The following LINGO2 variants were observed in gnomAD, a reference collection of about 807,000 sequenced individuals.
The protein encoded by LINGO2 is leucine rich repeat and Ig domain containing 2, also known as leucine-rich repeat and immunoglobulin-like domain-containing nogo receptor-interacting protein 2.
A neutral mutation model predicts 30.6 loss-of-function variants in LINGO2; 14 were observed. The observed-to-expected ratio is 0.46, with a 90% CI of 0.30 to 0.72. LINGO2 has a LOEUF of 0.72. Among genes scored for constraint, LINGO2 ranks in the 30% least tolerant of loss-of-function variants. The pLI, the probability that LINGO2 is intolerant of heterozygous loss-of-function variation, is 0.07. For missense variants in LINGO2, 729 were observed against 751.7 expected (o/e 0.97, Z 0.35); for synonymous variants, 317 against 288.5 (o/e 1.10, Z -1.00).
intron 4 of LINGO2, among the ~76,000 whole-genome samples, chr9:28,255,160 T>C (rs1822340322): frequency 6.6e-6 from 1 of 152,098 alleles, no homozygotes; most frequent in Non-Finnish European, 1.5e-5. Flanking sequence ...CTTTCTTCTC[T>C]TTTTACCCTT....
At chr9:28,948,592 A>T in the LINGO2 span, among the ~76,000 whole-genome samples, 1 of 152,128 alleles carries the variant, frequency 6.6e-6, no homozygotes, top group South Asian at 2.1e-4. Context: ...GCAAGAAATT[A>T]TACTACAATC....
At chr9:28,312,767 C>A (rs1824681921) in intron 3 of LINGO2, among the ~76,000 whole-genome samples, 1 of 152,092 alleles carries the variant, frequency 6.6e-6, no homozygotes, top group Non-Finnish European at 1.5e-5. Context: ...GGCTTATTGT[C>A]ATTGCTGTTT....
Position 28,531,159 on chromosome 9 carries a change from T to C in LINGO2, c.-364-55134A>G, listed in dbSNP as rs73441424. Among the ~76,000 whole-genome samples, 903 of 151,808 alleles carry C rather than the reference T, an allele frequency of 5.9e-3. 9 individuals carry two copies. The highest frequency in any genetic ancestry group is 0.02 in the African/African-American group (836 of 41,470). ...AATAATTAAAAATGAAAAAAGATTA[T>C]TTCCAAGTAAACATTTCTTATGCTT... On this transcript the variant is annotated intron_variant, in intron 1 of 5. Transcript: ENST00000379992.
chr9:28,646,466 C>A (rs12346831), intron 1 of LINGO2, among the ~76,000 whole-genome samples: 57,211 of 151,830 alleles, frequency 0.38, 12,058 homozygotes, highest in African/African-American at 0.55. Context: ...AAGAACTTAA[C>A]GGGCTAAACT....
chr9:28,334,588 G>A (rs914090340), intron 3 of LINGO2, among the ~76,000 whole-genome samples: 4 of 152,088 alleles, frequency 2.6e-5, no homozygotes, highest in Non-Finnish European at 5.9e-5. Context: ...TTTTAAATAA[G>A]TGTTTTCCGT....
intron 3 of LINGO2, among the ~76,000 whole-genome samples, chr9:28,297,707 G>A (rs1025497083): frequency 6.6e-6 from 1 of 152,210 alleles, no homozygotes; most frequent in Non-Finnish European, 1.5e-5. Context: ...GGATGTGATA[G>A]CTTTGTGTCA....
At chr9:27,994,116 AC>A (rs1821536351) in intron 5 of LINGO2, among the ~76,000 whole-genome samples, 1 of 152,066 alleles carries the variant, frequency 6.6e-6, no homozygotes, top group Non-Finnish European at 1.5e-5. Context: ...TAAAATGGAA[AC>A]AACATACTAA....
chr9:28,203,268 T>C (rs1349602439), intron 4 of LINGO2, among the ~76,000 whole-genome samples: 1 of 152,216 alleles, frequency 6.6e-6, no homozygotes, highest in East Asian at 1.9e-4. Flanking sequence ...AGTACTTTTA[T>C]GTCATTCCTA....
chr9:28,886,415 G>T, the LINGO2 span, among the ~76,000 whole-genome samples: 129,486 of 152,038 alleles, frequency 0.85, 55,311 homozygotes, highest in Non-Finnish European at 0.89. Context: ...AGCCAATTAA[G>T]TCATACTAGG....
chr9:29,003,762 T>C, the LINGO2 span, among the ~76,000 whole-genome samples: 1 of 152,028 alleles, frequency 6.6e-6, no homozygotes, highest in Non-Finnish European at 1.5e-5. Flanking sequence ...ATCTCTTTTC[T>C]AGTTACAAAC....
At chr9:28,977,291 G>C in the LINGO2 span, among the ~76,000 whole-genome samples, 1 of 151,930 alleles carries the variant, frequency 6.6e-6, no homozygotes, top group African/African-American at 2.4e-5. Flanking sequence ...CTTCTGTCCT[G>C]CATAAGTTCC....
At chr9:28,606,454 TATA>T (rs1825698197) in intron 1 of LINGO2, among the ~76,000 whole-genome samples, 1 of 152,010 alleles carries the variant, frequency 6.6e-6, no homozygotes, top group Non-Finnish European at 1.5e-5. Flanking sequence ...GTAATATAGA[TATA>T]ATACCACTAT....
At chr9:28,761,805 T>C in the LINGO2 span, among the ~76,000 whole-genome samples, 2 of 152,012 alleles carry the variant, frequency 1.3e-5, no homozygotes, top group African/African-American at 4.8e-5. Flanking sequence ...AAAGTTAGGA[T>C]GAACTCTGTG....
chr9:29,143,016 G>A, the LINGO2 span, among the ~76,000 whole-genome samples: 19 of 151,432 alleles, frequency 1.3e-4, no homozygotes, highest in East Asian at 2.7e-3. Flanking sequence ...AATCCAAAAC[G>A]TAAATTAAGA....
intron 2 of LINGO2, among the ~76,000 whole-genome samples, chr9:28,403,874 A>G (rs1352760409): frequency 6.6e-6 from 1 of 152,146 alleles, no homozygotes; most frequent in African/African-American, 2.4e-5. Flanking sequence ...ATATGAATAT[A>G]AGATTTTTTA....
intron 1 of LINGO2, among the ~76,000 whole-genome samples, chr9:28,616,729 G>A (rs975680775): frequency 4.6e-5 from 7 of 152,200 alleles, no homozygotes; most frequent in African/African-American, 1.7e-4. Flanking sequence ...ACTGGGCAGT[G>A]CAACAGTCGG....
At chr9:28,084,189 T>C (rs764490675) in intron 4 of LINGO2, among the ~76,000 whole-genome samples, 5 of 152,174 alleles carry the variant, frequency 3.3e-5, no homozygotes, top group Admixed American at 2.0e-4. Flanking sequence ...TGTTATAGTC[T>C]AGTTTAGGGT....
intron 3 of LINGO2, among the ~76,000 whole-genome samples, chr9:28,326,995 A>G (rs959152661): frequency 6.6e-6 from 1 of 152,090 alleles, no homozygotes; most frequent in African/African-American, 2.4e-5. Flanking sequence ...TTTGTTGAAA[A>G]ATTGATCTTC....
At chr9:29,086,080 C>G in the LINGO2 span, among the ~76,000 whole-genome samples, 1 of 152,040 alleles carries the variant, frequency 6.6e-6, no homozygotes, top group South Asian at 2.1e-4. Flanking sequence ...CTCCTCATTT[C>G]CTAATTAGAC....
Sources: allele counts gnomAD v4.1 joint callset (sites outside exome capture counted in the v4.1 genomes callset), GRCh38; gene constraint gnomAD v4.1.1; transcripts MANE v1.5; gene names NCBI Gene and HGNC (gene_info 2026-07-23, HGNC 2026-07-21).